The following GPC5 variants were observed in gnomAD, a reference collection of about 807,000 sequenced individuals.
GPC5 encodes the protein glypican-5.
Under a neutral mutation model 53.9 loss-of-function variants are expected in GPC5, and 47 were observed. The ratio of observed to expected loss-of-function variants is 0.87; its 90% confidence interval spans 0.69 to 1.11. The LOEUF (loss-of-function observed/expected upper bound fraction) is 1.11. Among genes scored for constraint, GPC5 ranks in the 50% most tolerant of loss-of-function variants. GPC5 has a pLI of 0.00. For missense variants in GPC5, 748 were observed against 713.1 expected, an observed-to-expected ratio of 1.05 and a Z score of -0.56; for synonymous variants, 286 against 263.3, an observed-to-expected ratio of 1.09 and a Z score of -0.84.
intron 2 of GPC5, among the ~76,000 whole-genome samples, chr13:91,510,067 G>T (rs1885156167): frequency 1.3e-5 from 2 of 151,788 alleles, no homozygotes; most frequent in Non-Finnish European, 2.9e-5. Context: ...TATATATAAA[G>T]TTTTGTTTCA....
chr13:92,700,558 A>G (rs1887701027), intron 7 of GPC5, among the ~76,000 whole-genome samples: 1 of 152,054 alleles, frequency 6.6e-6, no homozygotes, highest in Non-Finnish European at 1.5e-5. Context: ...ACAATTTGGT[A>G]TGAGTTTTTA....
chr13:91,930,999 C>A (rs1311920404), intron 6 of GPC5, among the ~76,000 whole-genome samples: 6 of 152,048 alleles, frequency 3.9e-5, no homozygotes, highest in African/African-American at 7.2e-5. Context: ...TGTCTGCTAG[C>A]ATAAAATGGT....
intron 5 of GPC5, among the ~76,000 whole-genome samples, chr13:91,792,016 C>T (rs768230138): frequency 2.5e-4 from 38 of 152,218 alleles, no homozygotes; most frequent in Non-Finnish European, 4.9e-4. Context: ...TCTTTCATAA[C>T]GAATTCCATG....
intron 3 of GPC5, among the ~76,000 whole-genome samples, chr13:91,727,497 T>C (rs144894217): frequency 2.0e-5 from 3 of 152,220 alleles, no homozygotes; most frequent in Non-Finnish European, 4.4e-5. Flanking sequence ...ATATTTTCCC[T>C]ATTATAACAT....
chr13:92,350,555 A>T (rs1317714651), intron 7 of GPC5, among the ~76,000 whole-genome samples: 1 of 152,172 alleles, frequency 6.6e-6, no homozygotes, highest in East Asian at 1.9e-4. Context: ...TAGCGAGATT[A>T]TGGTCAAATG....
At chr13:92,313,931 T>C (rs2043161909) in intron 7 of GPC5, among the ~76,000 whole-genome samples, 2 of 152,114 alleles carry the variant, frequency 1.3e-5, no homozygotes, top group African/African-American at 4.8e-5. Context: ...AATAACCACC[T>C]AGATAAATGT....
chr13:92,746,636 T>C (rs1404226871), intron 7 of GPC5, among the ~76,000 whole-genome samples: 2 of 152,158 alleles, frequency 1.3e-5, no homozygotes, highest in Admixed American at 6.6e-5. Flanking sequence ...GTTTACAATA[T>C]TGTTTAATGA....
chr13:92,381,841 GTATATGATCATATATGATTA>G (rs1419649561), intron 7 of GPC5, among the ~76,000 whole-genome samples: 2 of 62,962 alleles, frequency 3.2e-5, no homozygotes, highest in African/African-American at 1.1e-4. Flanking sequence ...ATATTATATT[GTATATGATCATATATGATTA>G]TATATATCAT....
chr13:92,644,095 TTAAAATCCTG>T (rs1344337937), intron 7 of GPC5, among the ~76,000 whole-genome samples: 1 of 152,190 alleles, frequency 6.6e-6, no homozygotes, highest in African/African-American at 2.4e-5. Flanking sequence ...TGATAATTTG[TTAAAATCCTG>T]AGGAGGATTT....
intron 7 of GPC5, among the ~76,000 whole-genome samples, chr13:92,393,005 G>A (rs757291366): frequency 6.6e-6 from 1 of 152,308 alleles, no homozygotes; most frequent in South Asian, 2.1e-4. Context: ...TCCTCAAAGA[G>A]CTAAAAGCGT....
chr13:92,233,743 G>T (rs2042548662), intron 7 of GPC5, among the ~76,000 whole-genome samples: 2 of 151,972 alleles, frequency 1.3e-5, no homozygotes, highest in Non-Finnish European at 1.5e-5. Flanking sequence ...GTGCCGTGTT[G>T]GTGTGCTGTA....
At chr13:91,710,347 A>C (rs980444933) in intron 3 of GPC5, among the ~76,000 whole-genome samples, 2 of 152,244 alleles carry the variant, frequency 1.3e-5, no homozygotes, top group African/African-American at 4.8e-5. Flanking sequence ...CAACTGTGAT[A>C]ATCTATGATT....
chr13:91,666,096 G>A (rs1281364941), intron 2 of GPC5, among the ~76,000 whole-genome samples: 1 of 152,076 alleles, frequency 6.6e-6, no homozygotes, highest in Non-Finnish European at 1.5e-5. Context: ...ATTTGGTTCT[G>A]TATCTAGAAA....
At chr13:91,912,878 C>T (rs985775429) in intron 6 of GPC5, among the ~76,000 whole-genome samples, 6 of 152,014 alleles carry the variant, frequency 3.9e-5, no homozygotes, top group African/African-American at 1.2e-4. Flanking sequence ...CATATTGCCA[C>T]GTTTTTCTCA....
intron 2 of GPC5, among the ~76,000 whole-genome samples, chr13:91,561,761 A>G (rs2031274043): frequency 1.3e-5 from 2 of 151,998 alleles, no homozygotes; most frequent in African/African-American, 2.4e-5. Flanking sequence ...TTTACAATAG[A>G]TGAAATTGTA....
chr13:91,823,072 A>G (rs1161153242), intron 5 of GPC5, among the ~76,000 whole-genome samples: 2 of 152,142 alleles, frequency 1.3e-5, no homozygotes, highest in Non-Finnish European at 2.9e-5. Context: ...CAGTATCACT[A>G]TAGTATGATG....
chr13:92,107,123 G>A (rs942845347), intron 6 of GPC5, among the ~76,000 whole-genome samples: 45 of 151,998 alleles, frequency 3.0e-4, no homozygotes, highest in Admixed American at 2.2e-3. Flanking sequence ...TAGTTGGGCC[G>A]TTTTTCAGTT....
At chr13:92,416,166 T>G (rs1228991606) in intron 7 of GPC5, among the ~76,000 whole-genome samples, 4 of 152,194 alleles carry the variant, frequency 2.6e-5, no homozygotes, top group Admixed American at 2.0e-4. Flanking sequence ...AAAATGGCAT[T>G]GTATCCTAGT....
intron 5 of GPC5, among the ~76,000 whole-genome samples, chr13:91,861,974 C>T (rs2039034802): frequency 6.6e-6 from 1 of 151,426 alleles, no homozygotes; most frequent in South Asian, 2.1e-4. Context: ...CCTCTATGTC[C>T]TTTGTGATTG....
Sources: allele counts gnomAD v4.1 joint callset (sites outside exome capture counted in the v4.1 genomes callset), GRCh38; gene constraint gnomAD v4.1.1; transcripts MANE v1.5; gene names NCBI Gene and HGNC (gene_info 2026-07-23, HGNC 2026-07-21).